BACE2: variants seen among roughly 807,000 people sequenced by gnomAD.
BACE2 encodes the protein beta-secretase 2.
A neutral mutation model predicts 46.2 loss-of-function variants in BACE2; 17 were observed. The ratio of observed to expected loss-of-function variants is 0.37; its 90% confidence interval spans 0.25 to 0.55. The LOEUF (loss-of-function observed/expected upper bound fraction) is 0.55, where lower values mean the gene tolerates loss of function less well. Ranked by LOEUF, BACE2 falls within the 20% of genes least tolerant of loss-of-function variation. BACE2 has a pLI of 0.82. For synonymous variants in BACE2, 277 were observed against 295.9 expected (o/e 0.94, Z 0.66); for missense variants, 595 against 698.1 (o/e 0.85, Z 1.66).
At chr21:41,208,900 G>A (rs1469002852) in intron 1 of BACE2, among the ~76,000 whole-genome samples, 1 of 152,108 alleles carries the variant, frequency 6.6e-6, no homozygotes, top group Admixed American at 6.5e-5. Context: ...GGGCAGCCAG[G>A]GGCAGAACAA....
chr21:41,250,968 C>A, intron 7 of BACE2, 67 bp downstream of exon 7: 1 of 1,434,510 alleles, frequency 7.0e-7, no homozygotes, highest in Non-Finnish European at 9.6e-7. Flanking sequence ...ATGCATGACA[C>A]GTGTATTAGA....
At position 41,168,395 on chromosome 21, in the gene BACE2, GC is replaced by G; in HGVS notation, c.135del (p.Thr46ProfsTer36). On this transcript the variant is annotated frameshift_variant, in exon 1 of 9. Transcript: ENST00000330333. LOFTEE classifies it high-confidence loss of function. The part of the protein sequence containing the change: ...VAAATNRVVA[P>X]TPGPGTPAER... ...CCGCGGCCACGAACCGCGTAGTTGCGCCCACCCCGGGACCCGGGACCCCTGC... is the reference window on the plus strand; with the variant it reads ...CCGCGGCCACGAACCGCGTAGTTGCGCCACCCCGGGACCCGGGACCCCTGC... The G allele has an allele frequency of 7.1e-7, 1 of 1,413,432 alleles. No homozygotes were observed. The highest frequency in any genetic ancestry group is 3.0e-5 in the Admixed American group (1 of 32,852). 87.6% of individuals were successfully genotyped at this position (1,413,432 alleles called of 1,614,324 possible).
At position 41,213,215 on chromosome 21, in the gene BACE2, C is replaced by T. The variant is rs181221829; in HGVS notation, c.313-13051C>T. Among the ~76,000 whole-genome samples the T allele has an allele frequency of 2.6e-5, 4 of 152,114 alleles. No homozygotes were observed. The East Asian group carries it at 7.7e-4, about 29-fold the overall frequency. Reference sequence around the variant, plus strand: ...CTCATTGAGAGGAAAGAAAGGAAACCGGGAAACATTAGAGGACAATAAAAG... The same window carrying T: ...CTCATTGAGAGGAAAGAAAGGAAACTGGGAAACATTAGAGGACAATAAAAG... On this transcript the variant is annotated intron_variant, in intron 1 of 8. Coordinates refer to ENST00000330333, the MANE Select transcript of BACE2 (RefSeq NM_012105.5).
At chr21:41,225,362 T>C (rs894497048) in intron 1 of BACE2, 2 of 152,212 alleles carry the variant, frequency 1.3e-5, no homozygotes, top group African/African-American at 4.8e-5. Flanking sequence ...TTATTCATAG[T>C]AGCCTCAAAA....
chr21:41,171,185 A>G (rs963029899), intron 1 of BACE2, among the ~76,000 whole-genome samples: 10 of 152,322 alleles, frequency 6.6e-5, no homozygotes, highest in African/African-American at 2.2e-4. Flanking sequence ...TATGACTGCA[A>G]CTGGACCCTC....
In BACE2 at chr21:41,250,862, G is replaced by T; in HGVS notation, c.1095G>T (p.Glu365Asp). 1 of 1,614,150 alleles carries T rather than the reference G, an allele frequency of 6.2e-7. No individual in the cohort carries two copies. The highest frequency in any genetic ancestry group is 8.5e-7 in the Non-Finnish European group (1 of 1,179,992). ...FPKISIYLRD[E>D]NSSRSFRITI... ...AAATCTCCATCTACCTGAGAGACGA[G>T]AACTCCAGCAGGTCATTCCGTATCA... Residue 365 changes from glutamate to aspartate, a missense_variant, in exon 7 of 9, where the codon GAG (glutamate) becomes GAT (aspartate). Glu to Asp is a conservative substitution (Grantham distance 45). Around this residue, in one of 3 missense-constraint regions of BACE2, gnomAD observed 343 missense variants for 419.4 expected, o/e 0.82. Transcript: ENST00000330333.
rs1468395645 is a variant in BACE2, at chr21:41,226,125, TCTC to T, written c.313-137_313-135del. ...TCAATTTTATAATAGCTTTTTCTATTCTCCTCGTCAGTATACTTTTTTTTTGTT... is the reference window on the plus strand; with the variant it reads ...TCAATTTTATAATAGCTTTTTCTATTCTCGTCAGTATACTTTTTTTTTGTT... On this transcript the variant is annotated intron_variant, in intron 1 of 8. Coordinates refer to ENST00000330333, the MANE Select transcript of BACE2 (RefSeq NM_012105.5). 8.1e-5 allele frequency: 52 copies of T among 644,846 alleles called. 1 individual carries two copies. In the East Asian group the frequency reaches 1.1e-3, roughly 13 times the overall value. 39.9% of individuals were successfully genotyped at this position (644,846 alleles called of 1,614,324 possible). A position where few individuals can be genotyped will look rare whatever the true frequency, so the allele number is the denominator to read the frequency against.
At chr21:41,195,054 A>G (rs1240769885) in intron 1 of BACE2, among the ~76,000 whole-genome samples, 13 of 152,268 alleles carry the variant, frequency 8.5e-5, no homozygotes. Flanking sequence ...GGGGTTGACC[A>G]GAGGTAGGCA....
At chr21:41,248,287 C>A (rs1469861919) in intron 6 of BACE2, among the ~76,000 whole-genome samples, 1 of 152,242 alleles carries the variant, frequency 6.6e-6, no homozygotes. Flanking sequence ...CCCAAGGACA[C>A]GTGGCTTCAC....
chr21:41,234,069 G>A (rs1987041096), intron 2 of BACE2, among the ~76,000 whole-genome samples: 1 of 152,158 alleles, frequency 6.6e-6, no homozygotes. Context: ...TATTGTGGGA[G>A]GGACCCAGTG....
At chr21:41,224,984 C>T (rs1377278122) in intron 1 of BACE2, among the ~76,000 whole-genome samples, 1 of 152,178 alleles carries the variant, frequency 6.6e-6, no homozygotes, top group African/African-American at 2.4e-5. Flanking sequence ...CCTGTAATCC[C>T]AGCACCTTGG....
At chr21:41,189,245 T>G (rs1394088695) in intron 1 of BACE2, among the ~76,000 whole-genome samples, 1 of 151,948 alleles carries the variant, frequency 6.6e-6, no homozygotes, top group Non-Finnish European at 1.5e-5. Context: ...GTCTAGAAAC[T>G]CATAACGTTC....
intron 1 of BACE2, among the ~76,000 whole-genome samples, chr21:41,197,968 G>C (rs1169525557): frequency 6.6e-6 from 1 of 152,190 alleles, no homozygotes; most frequent in Non-Finnish European, 1.5e-5. Flanking sequence ...TACACACATA[G>C]AAGTTAAATA....
intron 1 of BACE2, among the ~76,000 whole-genome samples, chr21:41,198,937 A>G (rs1316063532): frequency 6.6e-6 from 1 of 151,532 alleles, no homozygotes; most frequent in Non-Finnish European, 1.5e-5. Context: ...TTTGTTACAT[A>G]TGTATACATG....
At chr21:41,195,135 A>G (rs1450941140) in intron 1 of BACE2, among the ~76,000 whole-genome samples, 1 of 152,254 alleles carries the variant, frequency 6.6e-6, no homozygotes, top group Non-Finnish European at 1.5e-5. Context: ...GAACACAACC[A>G]TGCTGGGGTT....
chr21:41,226,062 T>C (rs1986808435), intron 1 of BACE2, among the ~76,000 whole-genome samples: 1 of 152,212 alleles, frequency 6.6e-6, no homozygotes, highest in Non-Finnish European at 1.5e-5. Context: ...CCATTTCCCC[T>C]CTCCAGTGCA....
At chr21:41,244,863 C>CTG (rs58015507) in intron 5 of BACE2, among the ~76,000 whole-genome samples, 3,921 of 150,538 alleles carry the variant, frequency 0.026, 143 homozygotes, top group African/African-American at 0.08. Flanking sequence ...TACAAAACCT[C>CTG]TGTGTGTGTG....
intron 8 of BACE2, among the ~76,000 whole-genome samples, chr21:41,267,886 C>G (rs760409505): frequency 6.6e-6 from 1 of 152,134 alleles, no homozygotes; most frequent in Non-Finnish European, 1.5e-5. Context: ...CATCTCAGTA[C>G]CAGATAATCA....
intron 1 of BACE2, among the ~76,000 whole-genome samples, chr21:41,216,584 C>T (rs185776488): frequency 1.1e-3 from 174 of 152,302 alleles, no homozygotes; most frequent in Admixed American, 2.1e-3. Context: ...GAGGCAGGAC[C>T]GGGTCTGGGC....
Sources: allele counts gnomAD v4.1 joint callset (sites outside exome capture counted in the v4.1 genomes callset), GRCh38; gene constraint gnomAD v4.1.1; regional missense constraint gnomAD v4.1.1; transcripts MANE v1.5; gene names NCBI Gene and HGNC (gene_info 2026-07-23, HGNC 2026-07-21).